RGS22: variants seen among roughly 807,000 people sequenced by gnomAD.
The protein encoded by RGS22 is regulator of G-protein signaling 22.
In RGS22, 148 loss-of-function variants were observed where a neutral mutation model predicts 172.9. The ratio of observed to expected loss-of-function variants is 0.86; its 90% CI spans 0.75 to 0.98. The LOEUF is 0.98. RGS22 is among the 50% of genes least tolerant of loss of function. The pLI, the probability that RGS22 is intolerant of heterozygous loss-of-function variation, is 0.00. For missense variants in RGS22, 1,347 were observed against 1,440.8 expected (o/e 0.93, Z 1.05); for synonymous variants, 458 against 480.2 (o/e 0.95, Z 0.60).
intron 14 of RGS22, among the ~76,000 whole-genome samples, chr8:100,032,828 C>A (rs1321423087): frequency 6.6e-6 from 1 of 152,196 alleles, no homozygotes; most frequent in East Asian, 1.9e-4. Context: ...TCTCAGACCA[C>A]AGTGCAATCA....
intron 4 of RGS22, among the ~76,000 whole-genome samples, chr8:100,074,107 G>T (rs959316079): frequency 5.9e-4 from 90 of 152,300 alleles, no homozygotes; most frequent in African/African-American, 2.1e-3. Flanking sequence ...GGGATGACCA[G>T]AAGGTTAAGG....
chr8:100,012,978 A>ATT (rs35339430), intron 14 of RGS22, among the ~76,000 whole-genome samples: 895 of 88,692 alleles, frequency 0.01, 2 homozygotes, highest in Non-Finnish European at 0.012. Context: ...AACGCCTTTG[A>ATT]TTTTTTTTTT....
rs189112946 is a variant in RGS22, at chr8:100,066,005, T to C, written c.724+162A>G. Among the ~76,000 whole-genome samples, 308 of 152,294 alleles carry C rather than the reference T, an allele frequency of 2.0e-3. 2 individuals are homozygous for C. The highest frequency in any genetic ancestry group is 7.0e-3 in the African/African-American group (289 of 41,570). Reference sequence around the variant, plus strand: ...CATTCTAAACCCATCTCCTTTTCACTATACAAAGTTGTCTCTCAAAAAACA... The same window carrying C: ...CATTCTAAACCCATCTCCTTTTCACCATACAAAGTTGTCTCTCAAAAAACA... On this transcript the variant is annotated intron_variant, in intron 7 of 27. Coordinates refer to ENST00000360863, the MANE Select transcript of RGS22 (RefSeq NM_015668.5).
Position 100,092,195 on chromosome 8 carries a change from A to AT in RGS22, c.117+1251dup, listed in dbSNP as rs199717781. 3.2e-4 allele frequency among the ~76,000 whole-genome samples: 49 copies of AT among 151,644 alleles called. No homozygotes were observed. In the East Asian group the frequency reaches 4.8e-3, roughly 15 times the overall value. On this transcript the variant is annotated intron_variant, in intron 3 of 27. Coordinates refer to ENST00000360863, the MANE Select transcript of RGS22 (RefSeq NM_015668.5). ...TACACTCCCTTAAAAATTACTTGTGATTTTTTTTTATGTTTCAAATTTTCC... is the reference window on the plus strand; with the variant it reads ...TACACTCCCTTAAAAATTACTTGTGATTTTTTTTTTATGTTTCAAATTTTCC...
At chr8:99,992,289 G>A (rs899580233) in intron 20 of RGS22, among the ~76,000 whole-genome samples, 6 of 152,064 alleles carry the variant, frequency 3.9e-5, no homozygotes, top group Non-Finnish European at 5.9e-5. Context: ...ATGTAAACAG[G>A]CTAAATGCCG....
At chr8:100,075,237 T>C (rs990910026) in intron 4 of RGS22, among the ~76,000 whole-genome samples, 1 of 152,176 alleles carries the variant, frequency 6.6e-6, no homozygotes, top group Middle Eastern at 3.2e-3. Flanking sequence ...GTCTTGGTCA[T>C]GGGAGCGAAT....
intron 2 of RGS22, among the ~76,000 whole-genome samples, chr8:100,103,240 A>G (rs938427968): frequency 2.6e-5 from 4 of 152,324 alleles, no homozygotes; most frequent in African/African-American, 9.6e-5. Flanking sequence ...TTAGACAAAG[A>G]AAAACTGGAG....
intron 23 of RGS22, 39 bp from the exon 24 acceptor site, chr8:99,965,469 T>C (rs1364303017): frequency 2.2e-6 from 3 of 1,369,712 alleles, no homozygotes; most frequent in Non-Finnish European, 3.1e-6. Context: ...CCAGAAAAGA[T>C]AATGATATGT....
intron 1 of RGS22, 65 bp downstream of exon 1, chr8:100,105,832 G>A: frequency 4.3e-6 from 6 of 1,390,520 alleles, no homozygotes; most frequent in South Asian, 4.0e-5. Context: ...AAGTCCAGAG[G>A]CTGGCGCGTG....
chr8:100,097,013 T>C (rs80292063), intron 2 of RGS22, among the ~76,000 whole-genome samples: 2,270 of 152,252 alleles, frequency 0.015, 29 homozygotes, highest in Middle Eastern at 0.048. Flanking sequence ...GTGGGAAAAA[T>C]GGCATTTGAA....
At chr8:99,995,155 T>G (rs978282778) in intron 20 of RGS22, among the ~76,000 whole-genome samples, 11 of 152,092 alleles carry the variant, frequency 7.2e-5, no homozygotes, top group Non-Finnish European at 1.2e-4. Flanking sequence ...CCTAAAACCA[T>G]AAAAACCCTA....
intron 14 of RGS22, among the ~76,000 whole-genome samples, chr8:100,015,864 C>G (rs779107322): frequency 4.6e-5 from 7 of 152,208 alleles, no homozygotes; most frequent in Non-Finnish European, 1.0e-4. Flanking sequence ...ATATTTTGCT[C>G]TAGCCACGGG....
chr8:100,004,531 A>T (rs920298789), intron 16 of RGS22: 3 of 152,028 alleles, frequency 2.0e-5, no homozygotes, highest in Non-Finnish European at 4.4e-5. Context: ...AATGAAGAAA[A>T]GTATAAAAAT....
chr8:99,981,910 G>A (rs377528499), intron 22 of RGS22, 27 bp downstream of exon 22: 195 of 1,575,124 alleles, frequency 1.2e-4, no homozygotes, highest in Admixed American at 2.2e-4. Context: ...TTTAAAATAT[G>A]CTTAGCCACA....
intron 9 of RGS22, among the ~76,000 whole-genome samples, chr8:100,062,355 A>G (rs1037884428): frequency 2.0e-4 from 30 of 152,170 alleles, no homozygotes; most frequent in African/African-American, 7.2e-4. Context: ...GAAAAAAAAA[A>G]AGAATATGCT....
intron 20 of RGS22, among the ~76,000 whole-genome samples, chr8:99,992,571 C>G (rs939841677): frequency 1.1e-4 from 16 of 152,268 alleles, no homozygotes; most frequent in African/African-American, 3.9e-4. Context: ...AGCTAACTAT[C>G]CTAAATATAT....
intron 23 of RGS22, among the ~76,000 whole-genome samples, chr8:99,974,640 A>G (rs187279189): frequency 1.3e-5 from 2 of 151,464 alleles, no homozygotes; most frequent in Non-Finnish European, 2.9e-5. Context: ...TCTACTAAAA[A>G]TACAAAAATT....
In RGS22 at chr8:100,004,072, G is replaced by A; in HGVS notation, c.2481C>T (p.Gly827=). The A allele has an allele frequency of 6.2e-7, 1 of 1,600,398 alleles. No homozygotes were observed. Among genetic ancestry groups the A allele is most frequent in the Non-Finnish European group, 8.5e-7 (1 of 1,172,730 alleles). The change falls in exon 17 of 28, where the codon GGC becomes GGT. Residue 827 remains glycine, a synonymous_variant. Coordinates refer to ENST00000360863, the MANE Select transcript of RGS22 (RefSeq NM_015668.5). Reference sequence around the variant, plus strand: ...TAGAGACGTTAGAGAGTGATAAAATGCCAGTTCCAATTTCACAAGTGGTGT... The same window carrying A: ...TAGAGACGTTAGAGAGTGATAAAATACCAGTTCCAATTTCACAAGTGGTGT... ...AEDTTCEIGT[G]ILSLSNVSKR...
rs750078912 is a variant in RGS22 at position 100,093,529 on chromosome 8, A to G, written c.55-20T>C. On this transcript the variant is annotated intron_variant, in intron 2 of 27. Coordinates refer to ENST00000360863, the MANE Select transcript of RGS22 (RefSeq NM_015668.5). Reference sequence around the variant, plus strand: ...ATCTTCCTGCAAAAAAAAAACATAAAAACACAGTATTATAATTATACATTT... The same window carrying G: ...ATCTTCCTGCAAAAAAAAAACATAAGAACACAGTATTATAATTATACATTT... 1 of 1,507,242 alleles carries G rather than the reference A, an allele frequency of 6.6e-7. No homozygotes were observed. Among genetic ancestry groups the G allele is most frequent in the Admixed American group, 1.8e-5 (1 of 54,946 alleles). The allele number at this position is 1,507,242 out of a possible 1,614,324, so 93.4% of individuals were successfully genotyped here.
Sources: gnomAD v4.1 joint callset for allele counts (sites outside exome capture counted in the v4.1 genomes callset) on GRCh38, gnomAD v4.1.1 for gene constraint, MANE v1.5 for transcripts, NCBI Gene and HGNC (gene_info 2026-07-23, HGNC 2026-07-21) for gene names.